Variants in TMEM178A observed in about 807,000 individuals in gnomAD.
The protein encoded by TMEM178A is transmembrane protein 178A.
Under a neutral mutation model 29.1 loss-of-function variants are expected in TMEM178A, and 12 were observed. That is an observed-to-expected ratio of 0.41 (90% confidence interval 0.26 to 0.67). TMEM178A has a LOEUF of 0.67. TMEM178A is among the 30% of genes least tolerant of loss of function. The pLI, the probability that TMEM178A is intolerant of heterozygous loss-of-function variation, is 0.29. For synonymous variants in TMEM178A, 210 were observed against 187.2 expected (o/e 1.12, Z -0.99); for missense variants, 366 against 419.1 (o/e 0.87, Z 1.11).
rs142620766 is a variant in TMEM178A at position 39,717,224 on chromosome 2, A to G, written c.867A>G (p.Leu289=). Residue 289 remains leucine, a synonymous_variant, in exon 4 of 4, where the codon CTA becomes CTG. Transcript: ENST00000281961. The stretch of plus-strand genomic sequence containing the variant: ...TTAGCCGGACCAAGATTGCACAGCT[A>G]AAGTCTGGCAGAGACTCCACGGTAT... ...PFISRTKIAQ[L]KSGRDSTV is the part of the protein sequence containing the mutation. 1.1e-3 allele frequency: 1,780 copies of G among 1,613,630 alleles called. 1 individual carries two copies. The highest frequency in any genetic ancestry group is 1.4e-3 in the Non-Finnish European group (1,676 of 1,179,956).
intron 1 of TMEM178A, among the ~76,000 whole-genome samples, chr2:39,670,106 G>A (rs1250075955): frequency 1.3e-5 from 2 of 152,154 alleles, no homozygotes; most frequent in African/African-American, 2.4e-5. Context: ...TTCACCCAGC[G>A]ATTTGAGTGC....
In TMEM178A at chr2:39,666,356, G is replaced by T; in HGVS notation, c.382G>T (p.Asp128Tyr). The T allele has an allele frequency of 7.0e-7, 1 of 1,436,736 alleles. No homozygotes were observed. The highest frequency in any genetic ancestry group is 9.1e-7 in the Non-Finnish European group (1 of 1,093,054). The allele number at this position is 1,436,736 out of a possible 1,614,324, so 89.0% of individuals were successfully genotyped here. The change falls in exon 1 of 4, where the codon GAC becomes TAC. Residue 128 changes from aspartate (D) to tyrosine (Y), a missense_variant. Coordinates refer to ENST00000281961, the MANE Select transcript of TMEM178A (RefSeq NM_152390.3). ...CTTCCTGGGCATCGACCGGGACATC[G>T]ACACCCTCATCCTGAAAGGTGAGCG... Reference protein sequence around the residue: ...CYFLGIDRDIDTLILKGIAQR... With the variant: ...CYFLGIDRDIYTLILKGIAQR...
chr2:39,685,981 G>A (rs1671060808), intron 1 of TMEM178A, among the ~76,000 whole-genome samples: 1 of 152,224 alleles, frequency 6.6e-6, no homozygotes, highest in Non-Finnish European at 1.5e-5. Context: ...GTGAAGTGGG[G>A]CATCCAGAAG....
At chr2:39,733,366 A>G in the TMEM178A span, among the ~76,000 whole-genome samples, 1 of 152,356 alleles carries the variant, frequency 6.6e-6, no homozygotes, top group African/African-American at 2.4e-5. Flanking sequence ...TTGTGTCACC[A>G]GACAGGAGCA....
the TMEM178A span, among the ~76,000 whole-genome samples, chr2:39,730,330 G>A: frequency 1.3e-5 from 2 of 152,102 alleles, no homozygotes; most frequent in African/African-American, 4.8e-5. Context: ...CAGAAAAAGG[G>A]GCTGACTACA....
rs144858810 is a variant in TMEM178A at position 39,704,062 on chromosome 2, G to A, written c.401-19G>A. On this transcript the variant is annotated intron_variant, in intron 1 of 3. Coordinates refer to ENST00000281961, the MANE Select transcript of TMEM178A (RefSeq NM_152390.3). ...ACAAATAAGCAGACTCGTAAATCGC[G>A]TTTCTTATTTCCTTCAAGGTATTGC... is the stretch of plus-strand genomic sequence containing the variant. 2.3e-5 allele frequency: 37 copies of A among 1,607,820 alleles called. No homozygotes were observed. Among genetic ancestry groups the A allele is most frequent in the African/African-American group, 1.5e-4 (11 of 74,794 alleles).
upstream of TMEM178A, chr2:39,665,578 G>A (rs1670105810): frequency 1.1e-5 from 2 of 190,044 alleles, no homozygotes; most frequent in Admixed American, 6.2e-5. Context: ...GGATGAGGGC[G>A]GCGAGGAGAG....
At chr2:39,693,391 C>T (rs1472292083) in intron 1 of TMEM178A, among the ~76,000 whole-genome samples, 1 of 152,140 alleles carries the variant, frequency 6.6e-6, no homozygotes, top group Non-Finnish European at 1.5e-5. Context: ...ACATGGGGTC[C>T]CATGTGGAAA....
At chr2:39,695,297 A>G (rs1671487768) in intron 1 of TMEM178A, among the ~76,000 whole-genome samples, 1 of 152,028 alleles carries the variant, frequency 6.6e-6, no homozygotes, top group Non-Finnish European at 1.5e-5. Flanking sequence ...AACCTTAAGC[A>G]TTAGTGGTAC....
intron 1 of TMEM178A, among the ~76,000 whole-genome samples, chr2:39,696,848 T>G (rs942443708): frequency 1.3e-5 from 2 of 152,230 alleles, no homozygotes; most frequent in African/African-American, 2.4e-5. Context: ...ATATCATCAT[T>G]AAAGTGGCTC....
chr2:39,735,238 T>A, the TMEM178A span, among the ~76,000 whole-genome samples: 4 of 152,210 alleles, frequency 2.6e-5, no homozygotes, highest in Non-Finnish European at 5.9e-5. Context: ...GTATCCACTA[T>A]ATGCCAGGAG....
Position 39,707,087 on chromosome 2 carries a change from G to A in TMEM178A, c.553G>A (p.Val185Ile), listed in dbSNP as rs759716501. 45 of 1,613,740 alleles carry A rather than the reference G, an allele frequency of 2.8e-5. No homozygotes were observed. In the South Asian group the frequency reaches 4.0e-4, roughly 14 times the overall value. The change falls in exon 3 of 4, where the codon GTA (valine) becomes ATA (isoleucine). Residue 185 changes from valine (V) to isoleucine (I), a missense_variant. Physicochemically the swap from Val to Ile is conservative, Grantham distance 29. Coordinates refer to ENST00000281961, the MANE Select transcript of TMEM178A (RefSeq NM_152390.3). ...CACTGCTGGCTTCCTCGGCATGGCC[G>A]TAGCCGTCCTTCTCTGCGGCTGCAT... ...RITAGFLGMA[V>I]AVLLCGCIVA...
In TMEM178A at chr2:39,712,338, A is replaced by G. The variant is rs144109933; in HGVS notation, c.653-4672A>G. Among the ~76,000 whole-genome samples the G allele has an allele frequency of 5.9e-5, 9 of 152,234 alleles. No individual in the cohort carries two copies. In the East Asian group the frequency reaches 1.7e-3, roughly 29 times the overall value. On this transcript the variant is annotated intron_variant, in intron 3 of 3. Transcript: ENST00000281961. ...TCCTTTCAGTCTTTTAAGCACATTA[A>G]AAAACGGTGGTCAAAAGAGTGGGCC...
intron 3 of TMEM178A, among the ~76,000 whole-genome samples, chr2:39,713,943 C>T (rs1004704133): frequency 1.3e-5 from 2 of 152,188 alleles, no homozygotes; most frequent in African/African-American, 4.8e-5. Context: ...GCTTCTTTTA[C>T]AGAAGCTTGT....
At chr2:39,724,893 C>T in the TMEM178A span, among the ~76,000 whole-genome samples, 5 of 152,214 alleles carry the variant, frequency 3.3e-5, no homozygotes, top group Admixed American at 3.3e-4. Flanking sequence ...CTCTACTTTA[C>T]AGGACTCTGT....
chr2:39,682,167 T>G (rs1045889585), intron 1 of TMEM178A, among the ~76,000 whole-genome samples: 3 of 152,222 alleles, frequency 2.0e-5, no homozygotes, highest in Admixed American at 6.5e-5. Context: ...TACCTCTCTG[T>G]GCATCAAAAC....
chr2:39,693,215 A>T (rs565246494), intron 1 of TMEM178A, among the ~76,000 whole-genome samples: 13 of 152,360 alleles, frequency 8.5e-5, no homozygotes, highest in Admixed American at 2.6e-4. Context: ...CCTTCTTTGG[A>T]TGCTTTCCTG....
chr2:39,707,302 C>T, intron 3 of TMEM178A, 116 bp downstream of exon 3: 1 of 1,289,050 alleles, frequency 7.8e-7, no homozygotes, highest in East Asian at 2.5e-5. Flanking sequence ...GTTAGAAAAG[C>T]AACCAGAAGG....
intron 1 of TMEM178A, among the ~76,000 whole-genome samples, chr2:39,671,987 T>C (rs1046884733): frequency 1.3e-5 from 2 of 152,228 alleles, no homozygotes; most frequent in Non-Finnish European, 2.9e-5. Flanking sequence ...AGGCACAGTA[T>C]TAAATGAGCC....
Sources: allele counts gnomAD v4.1 joint callset (sites outside exome capture counted in the v4.1 genomes callset), GRCh38; gene constraint gnomAD v4.1.1; transcripts MANE v1.5; gene names NCBI Gene and HGNC (gene_info 2026-07-23, HGNC 2026-07-21).